The following SETBP1 variants were observed in gnomAD, a reference collection of about 807,000 sequenced individuals.
SETBP1 encodes the protein SET-binding protein.
A neutral mutation model predicts 101.0 loss-of-function variants in SETBP1; 9 were observed. The ratio of observed to expected loss-of-function variants is 0.09; its 90% CI spans 0.05 to 0.16. The LOEUF (loss-of-function observed/expected upper bound fraction) is 0.16, where lower values mean the gene tolerates loss of function less well. Among genes scored for constraint, SETBP1 ranks in the 10% least tolerant of loss-of-function variants. The pLI is 1.00. For missense variants in SETBP1, 1,858 were observed against 2,033.8 expected, an observed-to-expected ratio of 0.91 and a Z score of 1.66; for synonymous variants, 818 against 788.5, an observed-to-expected ratio of 1.04 and a Z score of -0.63.
At chr18:44,923,715 A>G (rs1371973228) in intron 3 of SETBP1, among the ~76,000 whole-genome samples, 3 of 152,334 alleles carry the variant, frequency 2.0e-5, no homozygotes, top group African/African-American at 2.4e-5. Flanking sequence ...CTTCTCTTCC[A>G]TCTATGGACA....
chr18:44,879,349 T>G (rs1207292774), intron 3 of SETBP1, among the ~76,000 whole-genome samples: 2 of 152,196 alleles, frequency 1.3e-5, no homozygotes, highest in African/African-American at 4.8e-5. Flanking sequence ...TTATTTAACT[T>G]TTATGGCCAG....
intron 2 of SETBP1, among the ~76,000 whole-genome samples, chr18:44,777,378 C>T (rs1172114547): frequency 6.6e-6 from 1 of 152,222 alleles, no homozygotes; most frequent in Non-Finnish European, 1.5e-5. Flanking sequence ...CTCTGAAACT[C>T]AGAGTCAACC....
intron 2 of SETBP1, among the ~76,000 whole-genome samples, chr18:44,734,177 G>A (rs1194367833): frequency 6.6e-6 from 1 of 152,222 alleles, no homozygotes; most frequent in Non-Finnish European, 1.5e-5. Flanking sequence ...GGCAGTATAA[G>A]AATTTGTAAA....
intron 4 of SETBP1, among the ~76,000 whole-genome samples, chr18:44,966,906 G>A (rs1180759328): frequency 6.6e-6 from 1 of 152,142 alleles, no homozygotes; most frequent in Non-Finnish European, 1.5e-5. Context: ...AGTTTTATGA[G>A]AGCCAAAGAA....
chr18:45,011,914 G>A (rs1482339105), intron 4 of SETBP1, among the ~76,000 whole-genome samples: 2 of 152,184 alleles, frequency 1.3e-5, no homozygotes, highest in Admixed American at 6.5e-5. Context: ...TCTTATTGCT[G>A]TGGTTGTCGA....
intron 2 of SETBP1, among the ~76,000 whole-genome samples, chr18:44,819,171 G>C (rs1431204851): frequency 6.6e-6 from 1 of 151,996 alleles, no homozygotes. Context: ...CATGTGTCAC[G>C]CTGTTTTTCA....
intron 3 of SETBP1, among the ~76,000 whole-genome samples, chr18:44,937,380 G>A (rs965612114): frequency 5.3e-5 from 8 of 149,648 alleles, no homozygotes; most frequent in African/African-American, 1.7e-4. Context: ...GCGTGAACCC[G>A]GGAGGCGGAG....
chr18:44,759,093 G>C (rs2070576119), intron 2 of SETBP1, among the ~76,000 whole-genome samples: 1 of 152,112 alleles, frequency 6.6e-6, no homozygotes, highest in African/African-American at 2.4e-5. Context: ...TATTCCCTTA[G>C]TTCATAATTG....
chr18:44,776,479 G>A (rs1265167547), intron 2 of SETBP1, among the ~76,000 whole-genome samples: 1 of 152,114 alleles, frequency 6.6e-6, no homozygotes, highest in Non-Finnish European at 1.5e-5. Flanking sequence ...ACTCCATCTA[G>A]CAAGTTAAAA....
intron 4 of SETBP1, among the ~76,000 whole-genome samples, chr18:44,963,091 G>A (rs972223285): frequency 1.3e-5 from 2 of 152,016 alleles, no homozygotes; most frequent in Non-Finnish European, 2.9e-5. Flanking sequence ...GCCATTTTTT[G>A]TTCAGAAAAA....
intron 4 of SETBP1, among the ~76,000 whole-genome samples, chr18:44,967,161 T>C (rs2071738182): frequency 6.6e-6 from 1 of 152,172 alleles, no homozygotes; most frequent in Non-Finnish European, 1.5e-5. Flanking sequence ...CAGTTGTAGT[T>C]CATGATGAAG....
intron 4 of SETBP1, among the ~76,000 whole-genome samples, chr18:44,965,667 C>T (rs772303977): frequency 2.0e-5 from 3 of 152,166 alleles, no homozygotes; most frequent in Non-Finnish European, 4.4e-5. Context: ...TCTCCATGGA[C>T]AATGCAAGCA....
At chr18:44,733,670 T>C (rs1344078738) in intron 2 of SETBP1, among the ~76,000 whole-genome samples, 1 of 152,202 alleles carries the variant, frequency 6.6e-6, no homozygotes, top group African/African-American at 2.4e-5. Context: ...AAAACCTCAA[T>C]TTCCCTTTTT....
At chr18:45,046,241 CTGT>C (rs2073609883) in intron 5 of SETBP1, among the ~76,000 whole-genome samples, 1 of 152,202 alleles carries the variant, frequency 6.6e-6, no homozygotes, top group Admixed American at 6.5e-5. Context: ...TATTGAACAA[CTGT>C]TTCCTGCACA....
intron 4 of SETBP1, among the ~76,000 whole-genome samples, chr18:45,026,746 T>A (rs2073172154): frequency 6.6e-6 from 1 of 152,204 alleles, no homozygotes; most frequent in Non-Finnish European, 1.5e-5. Flanking sequence ...TGGTTGCAAT[T>A]ACATCAGCAT....
intron 2 of SETBP1, among the ~76,000 whole-genome samples, chr18:44,709,628 C>G (rs2069296545): frequency 6.6e-6 from 1 of 152,140 alleles, no homozygotes; most frequent in Non-Finnish European, 1.5e-5. Context: ...TTTGGCATCT[C>G]TCCCTGCGGA....
At chr18:44,900,114 G>A (rs1034181248) in intron 3 of SETBP1, among the ~76,000 whole-genome samples, 3 of 152,212 alleles carry the variant, frequency 2.0e-5, no homozygotes, top group Non-Finnish European at 4.4e-5. Flanking sequence ...CAAAGCCAAA[G>A]AGAAAGAAAG....
At chr18:44,901,681 T>C (rs1439383822) in intron 3 of SETBP1, among the ~76,000 whole-genome samples, 3 of 152,288 alleles carry the variant, frequency 2.0e-5, no homozygotes, top group South Asian at 4.1e-4. Flanking sequence ...TTTCCTGTCA[T>C]TACAGCCAGA....
intron 3 of SETBP1, among the ~76,000 whole-genome samples, chr18:44,927,691 G>T (rs1395456731): frequency 1.3e-5 from 2 of 152,138 alleles, no homozygotes; most frequent in Non-Finnish European, 1.5e-5. Context: ...CTTCAAAGCA[G>T]TTATTGTCAC....
Sources: gnomAD v4.1 joint callset for allele counts (sites outside exome capture counted in the v4.1 genomes callset) on GRCh38, gnomAD v4.1.1 for gene constraint, MANE v1.5 for transcripts, NCBI Gene and HGNC (gene_info 2026-07-23, HGNC 2026-07-21) for gene names.